RPRD1A: variants seen among roughly 807,000 people sequenced by gnomAD.
RPRD1A encodes regulation of nuclear pre-mRNA domain-containing protein 1A.
RPRD1A carries 9 observed loss-of-function variants against 37.8 expected under a neutral mutation model. The observed-to-expected ratio is 0.24, with a 90% CI of 0.14 to 0.42. The LOEUF is 0.42. Among genes scored for constraint, RPRD1A ranks in the 10% least tolerant of loss-of-function variants. RPRD1A has a pLI of 1.00. For synonymous variants in RPRD1A, 138 were observed against 139.7 expected, an observed-to-expected ratio of 0.99 and a Z score of 0.08; for missense variants, 255 against 371.0, an observed-to-expected ratio of 0.69 and a Z score of 2.57.
Position 35,993,228 on chromosome 18 carries a change from C to T in RPRD1A, c.862G>A (p.Asp288Asn). The change falls in exon 7 of 7, where the codon GAC (aspartate) becomes AAC (asparagine). Residue 288 changes from aspartate (D) to asparagine (N), a missense_variant. By Grantham distance (23) the Asp-to-Asn change is conservative. Coordinates refer to ENST00000399022, the MANE Select transcript of RPRD1A (RefSeq NM_018170.5). ...ELRSRIQSLP[D>N]LSRLPNVTGS... ...GTGACATTGGGCAATCGAGATAAGT[C>T]TGGCAGGCTCTGGATCCGGGACCTG... 1 of 1,614,202 alleles carries T rather than the reference C, an allele frequency of 6.2e-7. No individual in the cohort carries two copies. The highest frequency in any genetic ancestry group is 1.1e-5 in the South Asian group (1 of 91,080).
rs1343492130 is a variant in RPRD1A at position 35,991,727 on chromosome 18, T to G, written c.*1424A>C. 2 of 152,340 alleles carry G rather than the reference T, an allele frequency of 1.3e-5. No homozygotes were observed. Among genetic ancestry groups the G allele is most frequent in the African/African-American group, 4.8e-5 (2 of 41,582 alleles). 9.4% of individuals were successfully genotyped at this position (152,340 alleles called of 1,614,324 possible). On this transcript the variant is annotated 3_prime_UTR_variant, in exon 7 of 7. Coordinates refer to ENST00000399022, the MANE Select transcript of RPRD1A (RefSeq NM_018170.5). Reference sequence around the variant, plus strand: ...AGGTCAAATTGTTAAAAGAACTATTTGCAGAACTACTTGGCTATTAAAAAT... The same window carrying G: ...AGGTCAAATTGTTAAAAGAACTATTGGCAGAACTACTTGGCTATTAAAAAT...
At chr18:36,012,871 G>A (rs1369321013) in intron 6 of RPRD1A, among the ~76,000 whole-genome samples, 2 of 152,162 alleles carry the variant, frequency 1.3e-5, no homozygotes, top group Non-Finnish European at 2.9e-5. Flanking sequence ...ACAGTATTTT[G>A]CATTTACATT....
chr18:36,067,005 C>T (rs564813682), intron 1 of RPRD1A, among the ~76,000 whole-genome samples: 1 of 152,210 alleles, frequency 6.6e-6, no homozygotes, highest in African/African-American at 2.4e-5. Context: ...GGAGTCCCAA[C>T]CCCCTGCTAC....
At chr18:36,041,987 G>A (rs1196045655) in intron 1 of RPRD1A, among the ~76,000 whole-genome samples, 5 of 152,222 alleles carry the variant, frequency 3.3e-5, no homozygotes, top group Admixed American at 2.6e-4. Context: ...AAATTACACA[G>A]TAGGGATGGA....
intron 1 of RPRD1A, among the ~76,000 whole-genome samples, chr18:36,057,852 A>G (rs540383439): frequency 6.6e-6 from 1 of 152,198 alleles, no homozygotes; most frequent in Non-Finnish European, 1.5e-5. Flanking sequence ...TCCATAAACT[A>G]GGATAGGTTC....
intron 6 of RPRD1A, among the ~76,000 whole-genome samples, chr18:36,003,123 T>C (rs1268368485): frequency 6.6e-6 from 1 of 152,222 alleles, no homozygotes; most frequent in Non-Finnish European, 1.5e-5. Context: ...CTCCAAGGAA[T>C]GTTAGTTCCA....
chr18:36,016,957 G>T (rs1347441620), intron 6 of RPRD1A, among the ~76,000 whole-genome samples: 2 of 152,056 alleles, frequency 1.3e-5, no homozygotes, highest in East Asian at 3.9e-4. Context: ...GATGGTATCT[G>T]CATGTGCTTA....
intron 6 of RPRD1A, among the ~76,000 whole-genome samples, chr18:36,013,619 G>T (rs1308940965): frequency 2.0e-5 from 3 of 152,186 alleles, no homozygotes; most frequent in Admixed American, 2.0e-4. Context: ...GGGTGAACAG[G>T]AAGGAGAGCC....
At chr18:36,039,879 T>TAC (rs200290126) in intron 1 of RPRD1A, among the ~76,000 whole-genome samples, 2 of 140,496 alleles carry the variant, frequency 1.4e-5, no homozygotes, top group African/African-American at 5.6e-5. Context: ...CATGCACATA[T>TAC]ACACACACAC....
chr18:36,066,837 A>C (rs777374248), intron 1 of RPRD1A, among the ~76,000 whole-genome samples: 2 of 152,156 alleles, frequency 1.3e-5, no homozygotes, highest in Non-Finnish European at 2.9e-5. Context: ...TTTCACAAGA[A>C]TAAGTTGCTG....
At chr18:36,009,060 T>C (rs1484733654) in intron 6 of RPRD1A, among the ~76,000 whole-genome samples, 2 of 152,146 alleles carry the variant, frequency 1.3e-5, no homozygotes, top group Non-Finnish European at 2.9e-5. Context: ...ACTATAATTT[T>C]TTTTTTGTAT....
chr18:35,990,902 C>T lies in RPRD1A; in HGVS notation c.*2249G>A, dbSNP rs957632370. 3.3e-5 allele frequency: 5 copies of T among 152,110 alleles called. No homozygotes were observed. Among genetic ancestry groups the T allele is most frequent in the African/African-American group, 4.8e-5 (2 of 41,412 alleles). 9.4% of individuals were successfully genotyped at this position (152,110 alleles called of 1,614,324 possible). On this transcript the variant is annotated 3_prime_UTR_variant, in exon 7 of 7. Coordinates refer to ENST00000399022, the MANE Select transcript of RPRD1A (RefSeq NM_018170.5). ...CTGTATTGTCTGTGTTCAGTTAATA[C>T]GTTAACCAACAACTGAAGTTTGTGG...
intron 1 of RPRD1A, among the ~76,000 whole-genome samples, chr18:36,062,342 A>C (rs1046980852): frequency 2.6e-5 from 4 of 151,014 alleles, no homozygotes; most frequent in South Asian, 4.2e-4. Flanking sequence ...AAAAAAAAAA[A>C]AAAAAACATG....
intron 6 of RPRD1A, among the ~76,000 whole-genome samples, chr18:36,007,724 G>A (rs1337056236): frequency 1.3e-5 from 2 of 152,082 alleles, no homozygotes; most frequent in Non-Finnish European, 2.9e-5. Context: ...CGGATCACGA[G>A]GTCAAGAGAT....
intron 1 of RPRD1A, among the ~76,000 whole-genome samples, chr18:36,048,172 T>C (rs1230809793): frequency 6.8e-6 from 1 of 147,920 alleles, no homozygotes; most frequent in Non-Finnish European, 1.5e-5. Flanking sequence ...GTTCAAGCAA[T>C]TCTCCTGCCT....
At chr18:36,000,981 A>T (rs748422240) in intron 6 of RPRD1A, among the ~76,000 whole-genome samples, 1 of 152,116 alleles carries the variant, frequency 6.6e-6, no homozygotes, top group Non-Finnish European at 1.5e-5. Flanking sequence ...TGTTCCTAAA[A>T]CTCAAAATCC....
chr18:36,001,145 A>G (rs1457009387), intron 6 of RPRD1A, among the ~76,000 whole-genome samples: 1 of 152,204 alleles, frequency 6.6e-6, no homozygotes, highest in East Asian at 1.9e-4. Context: ...TAGCAGCAAC[A>G]TAAACATACT....
At chr18:36,027,462 G>C in intron 4 of RPRD1A, 152 bp from the exon 5 acceptor site, 2 of 759,322 alleles carry the variant, frequency 2.6e-6, no homozygotes, top group Non-Finnish European at 2.1e-6. Context: ...TCTTTCATAT[G>C]TTAAGAAAAA....
At chr18:36,027,451 T>C in intron 4 of RPRD1A, 141 bp from the exon 5 acceptor site, 1 of 805,996 alleles carries the variant, frequency 1.2e-6, no homozygotes, top group East Asian at 2.6e-5. Flanking sequence ...GACAATCAAT[T>C]TCTTTCATAT....
Sources: allele counts gnomAD v4.1 joint callset (sites outside exome capture counted in the v4.1 genomes callset), GRCh38; gene constraint gnomAD v4.1.1; transcripts MANE v1.5; gene names NCBI Gene and HGNC (gene_info 2026-07-23, HGNC 2026-07-21).